Variants in METAP1D observed in about 807,000 individuals in gnomAD.
The protein encoded by METAP1D is methionyl aminopeptidase type 1D, mitochondrial.
Under a neutral mutation model 40.5 loss-of-function variants are expected in METAP1D, and 31 were observed. The ratio of observed to expected loss-of-function variants is 0.77; its 90% CI spans 0.58 to 1.03. The LOEUF (loss-of-function observed/expected upper bound fraction) is 1.03. Ranked by LOEUF, METAP1D falls within the 50% of genes least tolerant of loss-of-function variation. METAP1D has a pLI of 0.00. For missense variants in METAP1D, 411 were observed against 420.7 expected, an observed-to-expected ratio of 0.98 and a Z score of 0.20; for synonymous variants, 151 against 146.4, an observed-to-expected ratio of 1.03 and a Z score of -0.22.
At chr2:172,052,324 A>G (rs1689903117) in intron 1 of METAP1D, among the ~76,000 whole-genome samples, 2 of 152,194 alleles carry the variant, frequency 1.3e-5, no homozygotes, top group Non-Finnish European at 2.9e-5. Flanking sequence ...TCCAGGAAGC[A>G]GTGGTGTATG....
intron 1 of METAP1D, among the ~76,000 whole-genome samples, chr2:172,022,908 G>A (rs941400312): frequency 6.6e-6 from 1 of 151,970 alleles, no homozygotes; most frequent in East Asian, 1.9e-4. Context: ...GTTTGCAGCC[G>A]GGTGTGGTGG....
At chr2:172,007,996 A>AT (rs898111341) in intron 1 of METAP1D, among the ~76,000 whole-genome samples, 3 of 141,742 alleles carry the variant, frequency 2.1e-5, no homozygotes, top group Non-Finnish European at 3.1e-5. Context: ...GGATATTATT[A>AT]TTTTTTTTAA....
chr2:172,004,045 C>T (rs1688525967), intron 1 of METAP1D, among the ~76,000 whole-genome samples: 1 of 152,142 alleles, frequency 6.6e-6, no homozygotes, highest in African/African-American at 2.4e-5. Context: ...GCTGGGATTA[C>T]AGGCATGAAC....
In METAP1D at chr2:172,002,802, A is replaced by C. The variant is rs1224404676; in HGVS notation, c.40+2793A>C. 2.0e-5 allele frequency among the ~76,000 whole-genome samples: 3 copies of C among 152,154 alleles called. No homozygotes were observed. In the East Asian group the frequency reaches 5.8e-4, roughly 29 times the overall value. ...GTAAAGCAATCCATTACAAGTCTTC[A>C]TGTACCAGGATTTATTATCAGCATT... On this transcript the variant is annotated intron_variant, in intron 1 of 9. Coordinates refer to ENST00000315796, the MANE Select transcript of METAP1D (RefSeq NM_199227.3).
rs374160562 is a variant in METAP1D at position 172,070,896 on chromosome 2, C to T, written c.541-11C>T. On this transcript the variant is annotated splice_polypyrimidine_tract_variant and intron_variant, in intron 5 of 9. Coordinates refer to ENST00000315796, the MANE Select transcript of METAP1D (RefSeq NM_199227.3). Reference sequence around the variant, plus strand: ...ACAAGGACATATTTTTAAATTTCTGCTTATGTTTAGGTCTATTACAATGGC... The same window carrying T: ...ACAAGGACATATTTTTAAATTTCTGTTTATGTTTAGGTCTATTACAATGGC... The T allele has an allele frequency of 1.5e-5, 23 of 1,573,492 alleles. No homozygotes were observed. The African/African-American group carries it at 3.0e-4, about 21-fold the overall frequency.
At chr2:172,051,135 G>A (rs1451225187) in intron 1 of METAP1D, among the ~76,000 whole-genome samples, 9 of 152,038 alleles carry the variant, frequency 5.9e-5, no homozygotes, top group Non-Finnish European at 1.0e-4. Context: ...TAGCCCTATT[G>A]TACAAATTAA....
intron 1 of METAP1D, among the ~76,000 whole-genome samples, chr2:172,026,516 C>T (rs566839663): frequency 6.6e-6 from 1 of 152,258 alleles, no homozygotes; most frequent in East Asian, 1.9e-4. Flanking sequence ...GCTCATGAAT[C>T]TCTCCCCTTC....
intron 1 of METAP1D, among the ~76,000 whole-genome samples, chr2:172,016,302 T>TAA (rs1688861187): frequency 3.3e-5 from 1 of 30,380 alleles, no homozygotes. Context: ...AAAAAAAAAA[T>TAA]ATATATATAT....
At chr2:172,042,399 ATACATATGTATGTGTACATGTG>A (rs1449906337) in intron 1 of METAP1D, among the ~76,000 whole-genome samples, 14 of 39,790 alleles carry the variant, frequency 3.5e-4, no homozygotes, top group African/African-American at 1.4e-3. Context: ...ATATACATAT[ATACATATGTATGTGTACATGTG>A]TACATATATA....
At chr2:172,042,853 A>G (rs868580854) in intron 1 of METAP1D, among the ~76,000 whole-genome samples, 1 of 110,200 alleles carries the variant, frequency 9.1e-6, no homozygotes, top group South Asian at 3.1e-4. Flanking sequence ...GTGTGTGTAT[A>G]TATGTACATA....
In METAP1D at chr2:172,018,339, G is replaced by A. The variant is rs115992576; in HGVS notation, c.40+18330G>A. ...CAGGAGAGGAGACAACAGGAAACAA[G>A]CAAAAAAAGACCAGAAGCTGAAAAG... On this transcript the variant is annotated intron_variant, in intron 1 of 9. Coordinates refer to ENST00000315796, the MANE Select transcript of METAP1D (RefSeq NM_199227.3). 5.3e-3 allele frequency among the ~76,000 whole-genome samples: 802 copies of A among 151,922 alleles called. 8 individuals are homozygous for A. The highest frequency in any genetic ancestry group is 0.017 in the African/African-American group (692 of 41,420).
At chr2:172,052,236 A>G (rs1689900329) in intron 1 of METAP1D, among the ~76,000 whole-genome samples, 1 of 152,232 alleles carries the variant, frequency 6.6e-6, no homozygotes, top group Admixed American at 6.5e-5. Context: ...AATGCTGTTA[A>G]TTAGGCCAAA....
chr2:172,064,619 C>CCA (rs1177798592), intron 3 of METAP1D, among the ~76,000 whole-genome samples: 1 of 103,312 alleles, frequency 9.7e-6, no homozygotes, highest in African/African-American at 3.5e-5. Context: ...GACTCCATCT[C>CCA]AAAAAAAAAA....
At chr2:172,063,191 C>T (rs537858874) in intron 2 of METAP1D, among the ~76,000 whole-genome samples, 5 of 152,150 alleles carry the variant, frequency 3.3e-5, no homozygotes, top group East Asian at 3.9e-4. Flanking sequence ...AGTGTAAGTA[C>T]GGTTGCAAAA....
In METAP1D at chr2:172,061,544, C is replaced by G; in HGVS notation, c.87C>G (p.His29Gln). The G allele has an allele frequency of 6.2e-7, 1 of 1,613,918 alleles. No individual in the cohort carries two copies. Among genetic ancestry groups the G allele is most frequent in the Non-Finnish European group, 8.5e-7 (1 of 1,179,900 alleles). The change falls in exon 2 of 10, where the codon CAC becomes CAG. Residue 29 changes from histidine (H) to glutamine (Q), a missense_variant. His to Gln is a conservative substitution (Grantham distance 24). Transcript: ENST00000315796. Reference protein sequence around the residue: ...FSSPLNHIYLHKQSSSQQRRN... With the variant: ...FSSPLNHIYLQKQSSSQQRRN... ...CACCACTCAATCATATCTACTTACA[C>G]AAGCAGTCAAGCAGTCAACAAAGAA...
rs542865433 is a variant in METAP1D, at chr2:172,011,714, T to G, written c.40+11705T>G. ...TTCATGGTTCATCCCTATTGTGGCA[T>G]GTGTCAGTTTATTGCTGTATAATAT... is the stretch of plus-strand genomic sequence containing the variant. On this transcript the variant is annotated intron_variant, in intron 1 of 9. Transcript: ENST00000315796. Among the ~76,000 whole-genome samples the G allele has an allele frequency of 7.9e-5, 12 of 152,404 alleles. 1 individual carries two copies. The highest frequency in any genetic ancestry group is 2.9e-4 in the African/African-American group (12 of 41,604).
intron 1 of METAP1D, among the ~76,000 whole-genome samples, chr2:172,016,086 G>A (rs1479341941): frequency 2.2e-5 from 3 of 137,720 alleles, no homozygotes; most frequent in South Asian, 2.3e-4. Flanking sequence ...GTGAAACTCC[G>A]TCTCTATCAA....
intron 1 of METAP1D, among the ~76,000 whole-genome samples, chr2:172,041,439 A>G (rs1689520092): frequency 9.5e-6 from 1 of 105,300 alleles, no homozygotes; most frequent in East Asian, 2.4e-4. Context: ...AGCCTGGGTG[A>G]CAGCGCAAGA....
At chr2:172,030,125 T>C (rs938343260) in intron 1 of METAP1D, among the ~76,000 whole-genome samples, 1 of 151,208 alleles carries the variant, frequency 6.6e-6, no homozygotes, top group African/African-American at 2.4e-5. Flanking sequence ...GTTTCACTCT[T>C]GTTGCCCAGG....
Sources: gnomAD v4.1 joint callset for allele counts (sites outside exome capture counted in the v4.1 genomes callset) on GRCh38, gnomAD v4.1.1 for gene constraint, MANE v1.5 for transcripts, NCBI Gene and HGNC (gene_info 2026-07-23, HGNC 2026-07-21) for gene names.